The following RBFOX1 variants were observed in gnomAD, a reference collection of about 807,000 sequenced individuals.
RBFOX1 encodes RNA binding protein fox-1 homolog 1.
Under a neutral mutation model 57.7 loss-of-function variants are expected in RBFOX1, and 8 were observed. The ratio of observed to expected loss-of-function variants is 0.14; its 90% CI spans 0.08 to 0.25. The LOEUF (loss-of-function observed/expected upper bound fraction) is 0.25, where lower values mean the gene tolerates loss of function less well. Ranked by LOEUF, RBFOX1 falls within the 10% of genes least tolerant of loss-of-function variation. RBFOX1 has a pLI of 1.00. For synonymous variants in RBFOX1, 326 were observed against 222.4 expected, an observed-to-expected ratio of 1.47 and a Z score of -4.15; for missense variants, 611 against 548.5, an observed-to-expected ratio of 1.11 and a Z score of -1.14.
intron 3 of RBFOX1, among the ~76,000 whole-genome samples, chr16:6,962,228 T>G (rs986380280): frequency 2.0e-5 from 3 of 152,146 alleles, no homozygotes; most frequent in African/African-American, 7.2e-5. Flanking sequence ...TGGCCTTCTT[T>G]CCTAGGTGTG....
intron 1 of RBFOX1, among the ~76,000 whole-genome samples, chr16:5,407,848 C>T (rs370360364): frequency 6.6e-6 from 1 of 152,212 alleles, no homozygotes; most frequent in African/African-American, 2.4e-5. Flanking sequence ...TGCACATGGC[C>T]CAGGCCTTTG....
At chr16:7,078,168 T>A (rs1301823559) in intron 4 of RBFOX1, among the ~76,000 whole-genome samples, 1 of 152,138 alleles carries the variant, frequency 6.6e-6, no homozygotes, top group East Asian at 1.9e-4. Context: ...ATTTCAAAAG[T>A]CATCGTTTTC....
intron 3 of RBFOX1, among the ~76,000 whole-genome samples, chr16:6,759,785 G>T (rs2154197878): frequency 6.6e-6 from 1 of 152,232 alleles, no homozygotes; most frequent in Admixed American, 6.5e-5. Flanking sequence ...AGGAATGTGT[G>T]CCAAGATGTG....
chr16:5,699,665 G>T (rs1226424846), intron 3 of RBFOX1, among the ~76,000 whole-genome samples: 2 of 152,014 alleles, frequency 1.3e-5, no homozygotes, highest in Non-Finnish European at 2.9e-5. Flanking sequence ...TGTGCTACTG[G>T]GATCTAGAGG....
rs112310980 is a variant in RBFOX1 at position 6,125,819 on chromosome 16, C to A, written c.-127+105827C>A. Among the ~76,000 whole-genome samples the A allele has an allele frequency of 2.0e-5, 3 of 152,116 alleles. No homozygotes were observed. In the East Asian group the frequency reaches 5.8e-4, roughly 29 times the overall value. On this transcript the variant is annotated intron_variant, in intron 1 of 15. Transcript: ENST00000550418. Reference sequence around the variant, plus strand: ...CAAAGGGTTGGTAGGCTATTTTCCTCCCATTGTATTGTGAGATGTACAAAC... The same window carrying A: ...CAAAGGGTTGGTAGGCTATTTTCCTACCATTGTATTGTGAGATGTACAAAC...
intron 3 of RBFOX1, among the ~76,000 whole-genome samples, chr16:5,646,716 C>G (rs1044378605): frequency 6.6e-6 from 1 of 152,092 alleles, no homozygotes; most frequent in Non-Finnish European, 1.5e-5. Flanking sequence ...CTCACTGCAA[C>G]CTCTGTCTTC....
intron 11 of RBFOX1, 128 bp from the exon 12 acceptor site, chr16:7,653,687 C>A: frequency 7.4e-7 from 1 of 1,356,528 alleles, no homozygotes; most frequent in South Asian, 1.4e-5. Flanking sequence ...CCTCTTGATT[C>A]CGGGAAGCGG....
chr16:6,430,993 C>G (rs1215151874), intron 2 of RBFOX1, among the ~76,000 whole-genome samples: 1 of 147,146 alleles, frequency 6.8e-6, no homozygotes, highest in African/African-American at 2.5e-5. Context: ...AAAAAATTAG[C>G]CAGGTGTGTT....
intron 3 of RBFOX1, among the ~76,000 whole-genome samples, chr16:6,875,002 C>T (rs528047271): frequency 3.9e-5 from 6 of 152,144 alleles, no homozygotes; most frequent in East Asian, 1.9e-4. Context: ...AAAATGATTC[C>T]AAGTTGGGCA....
At chr16:7,032,027 A>T (rs1349151275) in intron 3 of RBFOX1, among the ~76,000 whole-genome samples, 1 of 152,208 alleles carries the variant, frequency 6.6e-6, no homozygotes, top group African/African-American at 2.4e-5. Flanking sequence ...CTGGGAAAGA[A>T]AGTCGATTCT....
rs1447074996 is a variant in RBFOX1, at chr16:7,415,553, C to G, written c.28-102594C>G. On this transcript the variant is annotated intron_variant, in intron 4 of 15. Transcript: ENST00000550418. ...ACTGGGTTTGAAACCCACCTGTCCACTTTTCTGGCTTTGTGATTTGGGGTG... is the reference window on the plus strand; with the variant it reads ...ACTGGGTTTGAAACCCACCTGTCCAGTTTTCTGGCTTTGTGATTTGGGGTG... Among the ~76,000 whole-genome samples the G allele has an allele frequency of 2.0e-5, 3 of 152,280 alleles. No homozygotes were observed. In the East Asian group the frequency reaches 5.8e-4, roughly 29 times the overall value.
At chr16:7,294,438 A>G (rs969674312) in intron 4 of RBFOX1, among the ~76,000 whole-genome samples, 5 of 151,564 alleles carry the variant, frequency 3.3e-5, no homozygotes, top group Non-Finnish European at 5.9e-5. Context: ...GTCTCTTTTG[A>G]CATATGTCAG....
intron 3 of RBFOX1, among the ~76,000 whole-genome samples, chr16:7,048,468 C>G (rs1232970219): frequency 6.6e-6 from 1 of 151,628 alleles, no homozygotes; most frequent in South Asian, 2.1e-4. Flanking sequence ...ATCGTATTAG[C>G]CAGGATGGTC....
At chr16:5,890,326 G>A (rs1304750622) in intron 4 of RBFOX1, among the ~76,000 whole-genome samples, 3 of 152,132 alleles carry the variant, frequency 2.0e-5, no homozygotes, top group Non-Finnish European at 2.9e-5. Flanking sequence ...TCCCCACCAC[G>A]TAGTGAAGCT....
At chr16:6,977,947 A>AATAAAT (rs1555705864) in intron 3 of RBFOX1, among the ~76,000 whole-genome samples, 6 of 145,968 alleles carry the variant, frequency 4.1e-5, no homozygotes, top group Non-Finnish European at 1.5e-5. Context: ...GAAAAAAAAA[A>AATAAAT]AAAAGGCAAA....
At chr16:5,329,624 T>G (rs2064688876) in intron 1 of RBFOX1, among the ~76,000 whole-genome samples, 1 of 152,238 alleles carries the variant, frequency 6.6e-6, no homozygotes, top group Non-Finnish European at 1.5e-5. Flanking sequence ...TTTGGACTGT[T>G]ATAACAAAAT....
intron 1 of RBFOX1, among the ~76,000 whole-genome samples, chr16:5,447,586 C>G (rs890982821): frequency 2.0e-5 from 3 of 152,078 alleles, no homozygotes; most frequent in Non-Finnish European, 2.9e-5. Flanking sequence ...TTAATAGAGA[C>G]GAGATTTCAC....
chr16:6,370,357 C>CA (rs2090243308), intron 2 of RBFOX1, among the ~76,000 whole-genome samples: 1 of 58,606 alleles, frequency 1.7e-5, no homozygotes, highest in Non-Finnish European at 3.0e-5. Context: ...GACTCCGTCT[C>CA]AAAAGAAAAA....
At chr16:6,320,030 A>G (rs1319090234) in intron 2 of RBFOX1, among the ~76,000 whole-genome samples, 3 of 152,152 alleles carry the variant, frequency 2.0e-5, no homozygotes, top group Non-Finnish European at 4.4e-5. Context: ...ATTGACCAAT[A>G]AGAATTGCGT....
Sources: allele counts gnomAD v4.1 joint callset (sites outside exome capture counted in the v4.1 genomes callset), GRCh38; gene constraint gnomAD v4.1.1; transcripts MANE v1.5; gene names NCBI Gene and HGNC (gene_info 2026-07-23, HGNC 2026-07-21).